FECH: variants seen among roughly 807,000 people sequenced by gnomAD.
The protein encoded by FECH is ferrochelatase, mitochondrial.
A neutral mutation model predicts 56.9 loss-of-function variants in FECH; 40 were observed. The ratio of observed to expected loss-of-function variants is 0.70; its 90% CI spans 0.55 to 0.92. FECH has a LOEUF of 0.92. FECH is among the 40% of genes least tolerant of loss of function. The probability of loss-of-function intolerance (pLI) is 0.00; values close to 1 mark genes in which losing one functional copy is unlikely to be tolerated. For missense variants in FECH, 431 were observed against 529.1 expected, an observed-to-expected ratio of 0.81 and a Z score of 1.82; for synonymous variants, 175 against 198.6, an observed-to-expected ratio of 0.88 and a Z score of 1.00.
chr18:57,557,429 G>A (rs745810970), intron 7 of FECH, among the ~76,000 whole-genome samples: 1 of 152,132 alleles, frequency 6.6e-6, no homozygotes, highest in Non-Finnish European at 1.5e-5. Flanking sequence ...TGGAAGCAGC[G>A]TGCTCCGTCC....
intron 5 of FECH, among the ~76,000 whole-genome samples, chr18:57,564,574 A>G (rs181122255): frequency 7.3e-4 from 111 of 152,366 alleles, no homozygotes; most frequent in Admixed American, 2.2e-3. Flanking sequence ...AGGAGAGAGC[A>G]TATCTTAAAT....
intron 5 of FECH, 104 bp from the exon 6 acceptor site, chr18:57,563,084 TCTTTAC>T: frequency 1.3e-5 from 11 of 849,306 alleles, no homozygotes; most frequent in Non-Finnish European, 2.1e-5. Context: ...GGTAACTGCT[TCTTTAC>T]TGAATCAGTC....
Position 57,559,183 on chromosome 18 carries a change from C to T in FECH, c.766G>A (p.Val256Met). ...GAGTGAGCAGAAAACAGAATGACCA[C>T]CTCGCTTCTCTTCTCAAGTGGAAAA... ...DHFPLEKRSE[V>M]VILFSAHSLP... Residue 256 changes from valine to methionine, a missense_variant, in exon 7 of 11, where the codon GTG (valine) becomes ATG (methionine). Val to Met is a conservative substitution (Grantham distance 21, BLOSUM62 1). Transcript: ENST00000262093. The T allele has an allele frequency of 2.5e-6, 4 of 1,613,826 alleles. No individual in the cohort carries two copies. The highest frequency in any genetic ancestry group is 2.2e-5 in the South Asian group (2 of 91,084).
chr18:57,553,431 G>GA (rs749009530), intron 9 of FECH, among the ~76,000 whole-genome samples: 49 of 152,186 alleles, frequency 3.2e-4, no homozygotes, highest in Non-Finnish European at 5.3e-4. Flanking sequence ...CAGAGAGGGT[G>GA]AAGTCTCCTG....
intron 2 of FECH, among the ~76,000 whole-genome samples, chr18:57,576,691 C>T (rs1014053414): frequency 1.3e-5 from 2 of 152,168 alleles, no homozygotes; most frequent in Non-Finnish European, 2.9e-5. Flanking sequence ...GTTTTGCAAA[C>T]GCATGTTGAT....
chr18:57,561,686 A>G (rs1473606470), intron 6 of FECH, among the ~76,000 whole-genome samples: 4 of 152,184 alleles, frequency 2.6e-5, no homozygotes, highest in Non-Finnish European at 1.5e-5. Context: ...ATTTTAATGC[A>G]AATCTAATTA....
At chr18:57,561,862 A>G (rs1646593) in intron 6 of FECH, among the ~76,000 whole-genome samples, 95,459 of 152,026 alleles carry the variant, frequency 0.63, 30,283 homozygotes, top group African/African-American at 0.69. Flanking sequence ...CAACACAGCC[A>G]TCAATGGTGC....
At chr18:57,568,652 G>C (rs1352047698) in intron 4 of FECH, among the ~76,000 whole-genome samples, 1 of 152,136 alleles carries the variant, frequency 6.6e-6, no homozygotes, top group Non-Finnish European at 1.5e-5. Flanking sequence ...TCACTCACTG[G>C]CCTAGCTTAC....
At chr18:57,551,284 T>C in intron 10 of FECH, 31 bp downstream of exon 10, 2 of 1,507,510 alleles carry the variant, frequency 1.3e-6, no homozygotes, top group Non-Finnish European at 1.8e-6. Context: ...TCTGGTATGT[T>C]CTACTAAAAC....
At chr18:57,574,963 C>T (rs683050) in intron 2 of FECH, among the ~76,000 whole-genome samples, 150,000 of 152,314 alleles carry the variant, frequency 0.98, 73,889 homozygotes, top group East Asian at 1. Context: ...AAAGAATCTT[C>T]GTATCCATTA....
chr18:57,568,832 G>A (rs746299048), intron 4 of FECH, among the ~76,000 whole-genome samples: 2 of 152,182 alleles, frequency 1.3e-5, no homozygotes, highest in Non-Finnish European at 2.9e-5. Flanking sequence ...TGTAGCAAAT[G>A]CTTACTTTGT....
intron 6 of FECH, among the ~76,000 whole-genome samples, chr18:57,561,738 A>G (rs1458570520): frequency 6.6e-6 from 1 of 152,184 alleles, no homozygotes. Context: ...AGATCCCTCC[A>G]TTCCCTGCTA....
At chr18:57,580,584 G>A (rs1407768344) in intron 1 of FECH, among the ~76,000 whole-genome samples, 3 of 152,182 alleles carry the variant, frequency 2.0e-5, no homozygotes, top group Admixed American at 2.0e-4. Flanking sequence ...GCCGATTTCG[G>A]GAGTGGCGAG....
At chr18:57,577,723 T>G (rs2051203321) in intron 2 of FECH, among the ~76,000 whole-genome samples, 1 of 152,190 alleles carries the variant, frequency 6.6e-6, no homozygotes. Flanking sequence ...TACGGTCACA[T>G]CTTGCTAAAT....
intron 7 of FECH, among the ~76,000 whole-genome samples, chr18:57,556,556 C>T (rs902009565): frequency 2.6e-5 from 4 of 152,040 alleles, no homozygotes; most frequent in Admixed American, 2.6e-4. Flanking sequence ...AAACTTCAGA[C>T]GAACCCAGAT....
chr18:57,565,961 C>G (rs1366875776), intron 5 of FECH, among the ~76,000 whole-genome samples: 1 of 152,174 alleles, frequency 6.6e-6, no homozygotes, highest in African/African-American at 2.4e-5. Context: ...AAGGGAACCC[C>G]AAACTGGGCT....
Position 57,573,736 on chromosome 18 carries a change from G to C in FECH, c.195-371C>G, listed in dbSNP as rs112407706. Among the ~76,000 whole-genome samples the C allele has an allele frequency of 2.4e-3, 359 of 152,290 alleles. 3 individuals are homozygous for C. Among genetic ancestry groups the C allele is most frequent in the African/African-American group, 8.4e-3 (348 of 41,562 alleles). On this transcript the variant is annotated intron_variant, in intron 2 of 10. Transcript: ENST00000262093. ...TACATGTGAGTACCATATGAATACAGAGGTTACCTGACCTCTCCCAACTTC... is the reference window on the plus strand; with the variant it reads ...TACATGTGAGTACCATATGAATACACAGGTTACCTGACCTCTCCCAACTTC...
At chr18:57,584,345 A>AAAT (rs1555682015) in intron 1 of FECH, among the ~76,000 whole-genome samples, 3 of 150,104 alleles carry the variant, frequency 2.0e-5, no homozygotes, top group Admixed American at 6.6e-5. Flanking sequence ...AAAAAAAAAA[A>AAAT]CTCTCAAAAA....
chr18:57,553,122 G>T (rs1189534704), intron 9 of FECH, among the ~76,000 whole-genome samples: 1 of 152,094 alleles, frequency 6.6e-6, no homozygotes, highest in African/African-American at 2.4e-5. Context: ...AAACATATTG[G>T]TATAAACTAT....
Sources: gnomAD v4.1 joint callset for allele counts (sites outside exome capture counted in the v4.1 genomes callset) on GRCh38, gnomAD v4.1.1 for gene constraint, MANE v1.5 for transcripts, NCBI Gene and HGNC (gene_info 2026-07-23, HGNC 2026-07-21) for gene names.